Variants in MCM4 observed in about 807,000 individuals in gnomAD.
MCM4 encodes minichromosome maintenance complex component 4.
Under a neutral mutation model 88.7 loss-of-function variants are expected in MCM4, and 60 were observed. The observed-to-expected ratio is 0.68, with a 90% CI of 0.55 to 0.84. The LOEUF (loss-of-function observed/expected upper bound fraction) is 0.84. Ranked by LOEUF, MCM4 falls within the 40% of genes least tolerant of loss-of-function variation. MCM4 has a pLI of 0.00. For missense variants in MCM4, 1,149 were observed against 1,105.5 expected, an observed-to-expected ratio of 1.04 and a Z score of -0.56; for synonymous variants, 465 against 410.5, an observed-to-expected ratio of 1.13 and a Z score of -1.61.
chr8:47,962,192 G>A lies in MCM4; in HGVS notation c.375G>A (p.Leu125=). The change falls in exon 4 of 17, where the codon CTG becomes CTA. Residue 125 remains leucine (L), a synonymous_variant. Transcript: ENST00000649973. ...ACCTGGGCTCTGCACAGAAGGGCCTGCAAGTGGATCTGCAGTCTGACGGGG... is the reference window on the plus strand; with the variant it reads ...ACCTGGGCTCTGCACAGAAGGGCCTACAAGTGGATCTGCAGTCTGACGGGG... ...RPDLGSAQKG[L]QVDLQSDGAA... The A allele has an allele frequency of 6.2e-7, 1 of 1,614,222 alleles. No individual in the cohort carries two copies. Among genetic ancestry groups the A allele is most frequent in the Non-Finnish European group, 8.5e-7 (1 of 1,180,032 alleles).
chr8:47,962,047 T>G lies in MCM4; in HGVS notation c.236-6T>G. The G allele has an allele frequency of 6.2e-7, 1 of 1,613,748 alleles. No individual in the cohort carries two copies. Among genetic ancestry groups the G allele is most frequent in the Non-Finnish European group, 8.5e-7 (1 of 1,179,794 alleles). On this transcript the variant is annotated splice_polypyrimidine_tract_variant and splice_region_variant and intron_variant, in intron 3 of 16. Coordinates refer to ENST00000649973, the MANE Select transcript of MCM4 (RefSeq NM_182746.3). Reference sequence around the variant, plus strand: ...CCACCAGAATTTCCTAATTTTGTTTTTATAGCTATCCCTCTTGACTTTGAT... The same window carrying G: ...CCACCAGAATTTCCTAATTTTGTTTGTATAGCTATCCCTCTTGACTTTGAT...
chr8:47,966,661 A>T (rs2090901497), intron 9 of MCM4, among the ~76,000 whole-genome samples: 1 of 152,188 alleles, frequency 6.6e-6, no homozygotes, highest in Admixed American at 6.5e-5. Flanking sequence ...CATGGCCTAA[A>T]ATGCTTCAAA....
chr8:47,961,516 C>T lies in MCM4; in HGVS notation c.71C>T (p.Pro24Leu), dbSNP rs773938825. The change falls in exon 3 of 17, where the codon CCT becomes CTT. Residue 24 changes from proline to leucine, a missense_variant and splice_region_variant. Physicochemically the swap from Pro to Leu is moderately conservative, Grantham distance 98 (BLOSUM62 -3). Coordinates refer to ENST00000649973, the MANE Select transcript of MCM4 (RefSeq NM_182746.3). ...RRGRATPAQT[P>L]RSEDARSSPS... ...TCTTTTCTGTTTTGTGTGACACAAG[C>T]TCGGAGTGAGGATGCCAGGTCATCT... The T allele has an allele frequency of 1.9e-6, 3 of 1,613,966 alleles. No homozygotes were observed. Among genetic ancestry groups the T allele is most frequent in the Admixed American group, 1.7e-5 (1 of 60,032 alleles).
At position 47,975,819 on chromosome 8, in the gene MCM4, T is replaced by C. The variant is rs1330102992; in HGVS notation, c.2470T>C (p.Phe824Leu). 6.3e-7 allele frequency: 1 copy of C among 1,583,656 alleles called. No individual in the cohort carries two copies. The highest frequency in any genetic ancestry group is 1.2e-5 in the South Asian group (1 of 83,264). ...ACCAGCTCTAAAATACCAGCAACTT[T>C]TTGAAGATATTCGGGGACAATCTGA... ...KTPALKYQQLFEDIRGQSDIA... is the reference protein window; with the variant it reads ...KTPALKYQQLLEDIRGQSDIA... The change falls in exon 16 of 17, where the codon TTT becomes CTT. Residue 824 changes from phenylalanine to leucine, a missense_variant. Around this residue, in one of 3 missense-constraint regions of MCM4, gnomAD observed 238 missense variants for 241.6 expected, o/e 0.99. Coordinates refer to ENST00000649973, the MANE Select transcript of MCM4 (RefSeq NM_182746.3).
chr8:47,969,710 G>T (rs548307292), intron 10 of MCM4, 88 bp from the exon 11 acceptor site: 291 of 1,396,774 alleles, frequency 2.1e-4, no homozygotes, highest in Middle Eastern at 7.2e-4. Flanking sequence ...GCCTCGCTCT[G>T]AAGTGCACCT....
At chr8:47,966,121 A>G (rs1470158535) in intron 8 of MCM4, 66 bp from the exon 9 acceptor site, 1 of 1,352,470 alleles carries the variant, frequency 7.4e-7, no homozygotes, top group Non-Finnish European at 1.1e-6. Context: ...CCTGTCTGTG[A>G]TCCCAGCTAT....
At chr8:47,972,227 C>T (rs1589833077) in intron 13 of MCM4, among the ~76,000 whole-genome samples, 1 of 136,880 alleles carries the variant, frequency 7.3e-6, no homozygotes, top group South Asian at 2.4e-4. Context: ...CAGAGTGAGA[C>T]TCTGTCTCAA....
At chr8:47,966,992 T>C (rs2090904296) in intron 9 of MCM4, among the ~76,000 whole-genome samples, 1 of 152,198 alleles carries the variant, frequency 6.6e-6, no homozygotes, top group South Asian at 2.1e-4. Flanking sequence ...GGCACCCTGC[T>C]CCGCAGGAGC....
At position 47,966,292 on chromosome 8, in the gene MCM4, C is replaced by G. The variant is rs2090897582; in HGVS notation, c.938C>G (p.Thr313Ser). The G allele has an allele frequency of 6.2e-7, 1 of 1,614,130 alleles. No homozygotes were observed. Among genetic ancestry groups the G allele is most frequent in the Non-Finnish European group, 8.5e-7 (1 of 1,180,032 alleles). The part of the protein sequence containing the change: ...FFQCQVCAHT[T>S]RVEMDRGRIA... ...CAGTGCCAAGTGTGTGCCCACACGA[C>G]CCGGGTGGAGATGGACCGCGGCCGC... The change falls in exon 9 of 17, where the codon ACC becomes AGC. Residue 313 changes from threonine to serine, a missense_variant. Thr to Ser is a moderately conservative substitution (Grantham distance 58, BLOSUM62 1). Transcript: ENST00000649973.
chr8:47,965,623 AGTT>A (rs2090891514), intron 8 of MCM4, among the ~76,000 whole-genome samples: 1 of 152,194 alleles, frequency 6.6e-6, no homozygotes, highest in Non-Finnish European at 1.5e-5. Context: ...AAAGGGAAAA[AGTT>A]GTCTGTCAGG....
chr8:47,961,537 C>T lies in MCM4; in HGVS notation c.92C>T (p.Ser31Leu), dbSNP rs1242616187. ...AQTPRSEDAR[S>L]SPSQRRRGED... ...CAAGCTCGGAGTGAGGATGCCAGGT[C>T]ATCTCCCTCTCAGAGACGTAGAGGC... Residue 31 changes from serine (S) to leucine (L), a missense_variant, in exon 3 of 17, where the codon TCA (serine) becomes TTA (leucine). By Grantham distance (145) the Ser-to-Leu change is moderately radical. Around this residue, in one of 3 missense-constraint regions of MCM4, gnomAD observed 906 missense variants for 843.0 expected, o/e 1.07. Transcript: ENST00000649973. The T allele has an allele frequency of 1.9e-6, 3 of 1,614,018 alleles. No individual in the cohort carries two copies. Among genetic ancestry groups the T allele is most frequent in the Non-Finnish European group, 1.7e-6 (2 of 1,180,042 alleles).
chr8:47,974,987 A>G (rs1239281217), intron 15 of MCM4, 25 bp downstream of exon 15: 1 of 1,564,078 alleles, frequency 6.4e-7, no homozygotes, highest in Non-Finnish European at 8.7e-7. Context: ...GTGAACAGAA[A>G]AGCTTTTGAA....
Position 47,975,717 on chromosome 8 carries a change from A to C in MCM4, c.2368A>C (p.Met790Leu). Residue 790 changes from methionine to leucine, a missense_variant and splice_region_variant, in exon 16 of 17, where the codon ATG becomes CTG. Met to Leu is a conservative substitution (Grantham distance 15). Around this residue, in one of 3 missense-constraint regions of MCM4, gnomAD observed 238 missense variants for 241.6 expected, o/e 0.99. Transcript: ENST00000649973. The stretch of plus-strand genomic sequence containing the variant: ...TCATTGATTTCTTTTTAAATCAGGG[A>C]TGAGTGCCACCTCTCGTAAACGGAA... ...IVDISILTTG[M>L]SATSRKRKEE... is the part of the protein sequence containing the mutation. 2 of 1,552,712 alleles carry C rather than the reference A, an allele frequency of 1.3e-6. No homozygotes were observed. The highest frequency in any genetic ancestry group is 1.7e-6 in the Non-Finnish European group (2 of 1,158,274).
chr8:47,966,377 C>T lies in MCM4; in HGVS notation c.1023C>T (p.His341=), dbSNP rs1025808117. The change falls in exon 9 of 17, where the codon CAC becomes CAT. Residue 341 remains histidine (H), a synonymous_variant. Coordinates refer to ENST00000649973, the MANE Select transcript of MCM4 (RefSeq NM_182746.3). ...CCACCCACAGCATGGCACTCATCCA[C>T]AACCGCTCCCTCTTCTCTGACAAGC... ...CHTTHSMALI[H]NRSLFSDKQM... 7 of 1,612,782 alleles carry T rather than the reference C, an allele frequency of 4.3e-6. No individual in the cohort carries two copies. Among genetic ancestry groups the T allele is most frequent in the African/African-American group, 4.0e-5 (3 of 74,920 alleles).
chr8:47,972,388 A>C (rs2090961661), intron 13 of MCM4, among the ~76,000 whole-genome samples: 1 of 152,000 alleles, frequency 6.6e-6, no homozygotes, highest in Admixed American at 6.6e-5. Flanking sequence ...GGGTGAGTGG[A>C]TGGACACGAA....
In MCM4 at chr8:47,962,832, A is replaced by G. The variant is rs746039203; in HGVS notation, c.570A>G (p.Glu190=). 2 of 1,608,202 alleles carry G rather than the reference A, an allele frequency of 1.2e-6. No homozygotes were observed. Among genetic ancestry groups the G allele is most frequent in the Non-Finnish European group, 1.7e-6 (2 of 1,178,404 alleles). ...EEENVGIDIT[E]PLYMQRLGEI... ...AAAATGTTGGCATAGATATTACTGA[A>G]CCTCTATACATGCAACGACTTGGGG... The change falls in exon 6 of 17, where the codon GAA becomes GAG. Residue 190 remains glutamate (E), a synonymous_variant. Coordinates refer to ENST00000649973, the MANE Select transcript of MCM4 (RefSeq NM_182746.3).
intron 7 of MCM4, among the ~76,000 whole-genome samples, chr8:47,964,103 A>T (rs1386359436): frequency 6.6e-6 from 1 of 152,092 alleles, no homozygotes; most frequent in African/African-American, 2.4e-5. Flanking sequence ...AATGCCTGTA[A>T]TCCCAGCTAC....
At chr8:47,971,222 C>A in intron 12 of MCM4, 119 bp from the exon 13 acceptor site, 2 of 1,208,880 alleles carry the variant, frequency 1.7e-6, no homozygotes, top group Non-Finnish European at 2.3e-6. Flanking sequence ...GGCAACATGG[C>A]TCAGGCAATA....
intron 13 of MCM4, 40 bp downstream of exon 13, chr8:47,971,508 T>C (rs779336742): frequency 6.2e-7 from 1 of 1,603,826 alleles, no homozygotes. Flanking sequence ...TTGTAGAATA[T>C]TCAGGGTGAG....
Sources: gnomAD v4.1 joint callset for allele counts (sites outside exome capture counted in the v4.1 genomes callset) on GRCh38, gnomAD v4.1.1 for gene constraint, gnomAD v4.1.1 regional missense constraint, MANE v1.5 for transcripts, NCBI Gene and HGNC (gene_info 2026-07-23, HGNC 2026-07-21) for gene names.